ASAP1: variants seen among roughly 807,000 people sequenced by gnomAD.
ASAP1 encodes ArfGAP with SH3 domain, ankyrin repeat and PH domain 1.
Under a neutral mutation model 145.2 loss-of-function variants are expected in ASAP1, and 43 were observed. The ratio of observed to expected loss-of-function variants is 0.30; its 90% CI spans 0.23 to 0.38. The LOEUF (loss-of-function observed/expected upper bound fraction) is 0.38. Ranked by LOEUF, ASAP1 falls within the 10% of genes least tolerant of loss-of-function variation. The pLI, the probability that ASAP1 is intolerant of heterozygous loss-of-function variation, is 1.00. For missense variants in ASAP1, 1,018 were observed against 1,355.3 expected (o/e 0.75, Z 3.91); for synonymous variants, 546 against 515.5 (o/e 1.06, Z -0.80).
intron 27 of ASAP1, among the ~76,000 whole-genome samples, chr8:130,071,546 T>C (rs1222178872): frequency 6.6e-6 from 1 of 152,198 alleles, no homozygotes; most frequent in East Asian, 1.9e-4. Context: ...GTGATTCTAA[T>C]GTCCCTTCAA....
chr8:130,180,322 T>A (rs189437957), intron 8 of ASAP1, among the ~76,000 whole-genome samples: 1 of 152,360 alleles, frequency 6.6e-6, no homozygotes, highest in Admixed American at 6.5e-5. Context: ...TAAGGCAGCA[T>A]GCTTTTTGTT....
intron 18 of ASAP1, among the ~76,000 whole-genome samples, chr8:130,120,518 C>T (rs1018070498): frequency 2.0e-5 from 3 of 152,182 alleles, no homozygotes; most frequent in Admixed American, 6.5e-5. Context: ...CATTTGAAAG[C>T]TTCCTTCCCA....
intron 1 of ASAP1, among the ~76,000 whole-genome samples, chr8:130,407,834 G>A (rs1829102741): frequency 6.6e-6 from 1 of 152,106 alleles, no homozygotes; most frequent in African/African-American, 2.4e-5. Context: ...CACGAATGTT[G>A]GGATTTGTAT....
intron 3 of ASAP1, among the ~76,000 whole-genome samples, chr8:130,336,329 T>C (rs1825032977): frequency 6.6e-6 from 1 of 152,196 alleles, no homozygotes; most frequent in East Asian, 1.9e-4. Flanking sequence ...CCTAGTGTGG[T>C]CAGTGAACCA....
chr8:130,374,598 A>G (rs1008783232), intron 2 of ASAP1, among the ~76,000 whole-genome samples: 3 of 152,264 alleles, frequency 2.0e-5, no homozygotes, highest in East Asian at 1.9e-4. Context: ...ACAAGCTTAC[A>G]TACTTGTCGA....
chr8:130,256,755 A>ATATATATATATATATATATATCCT (rs1819567119), intron 3 of ASAP1, among the ~76,000 whole-genome samples: 11 of 89,772 alleles, frequency 1.2e-4, no homozygotes, highest in African/African-American at 8.0e-5. Flanking sequence ...ATATATATAT[A>ATATATATATATATATATATATCCT]TATATATATA....
intron 15 of ASAP1, among the ~76,000 whole-genome samples, chr8:130,128,464 G>A (rs1045255233): frequency 4.6e-5 from 7 of 152,146 alleles, no homozygotes; most frequent in African/African-American, 1.7e-4. Context: ...CCCATCCAAT[G>A]CAAGGATGAG....
chr8:130,348,998 A>T (rs1487933805), intron 3 of ASAP1, among the ~76,000 whole-genome samples: 1 of 152,234 alleles, frequency 6.6e-6, no homozygotes, highest in African/African-American at 2.4e-5. Flanking sequence ...GTGTAGAAGA[A>T]GGCAGAAAGA....
At chr8:130,074,235 C>T (rs142993377) in intron 27 of ASAP1, among the ~76,000 whole-genome samples, 10 of 151,726 alleles carry the variant, frequency 6.6e-5, no homozygotes, top group African/African-American at 2.4e-4. Flanking sequence ...AATAGAATTG[C>T]GTATGTATGA....
chr8:130,152,843 G>A, intron 12 of ASAP1, 38 bp from the exon 13 acceptor site: 4 of 1,448,510 alleles, frequency 2.8e-6, no homozygotes. Flanking sequence ...TATAGTAACT[G>A]ATTCACTCTG....
At chr8:130,295,808 G>A (rs1255416864) in intron 3 of ASAP1, among the ~76,000 whole-genome samples, 1 of 152,062 alleles carries the variant, frequency 6.6e-6, no homozygotes, top group African/African-American at 2.4e-5. Context: ...CCCTAACTAG[G>A]ATTCATGGAG....
At chr8:130,110,581 T>C (rs2097545107) in intron 24 of ASAP1, among the ~76,000 whole-genome samples, 2 of 152,178 alleles carry the variant, frequency 1.3e-5, no homozygotes, top group African/African-American at 2.4e-5. Context: ...TTTAGTACAA[T>C]GTATGGAATG....
At chr8:130,202,191 T>C (rs1815910802) in intron 5 of ASAP1, among the ~76,000 whole-genome samples, 1 of 152,188 alleles carries the variant, frequency 6.6e-6, no homozygotes, top group South Asian at 2.1e-4. Context: ...GTAACTGTGA[T>C]AGGCAGTTGT....
At chr8:130,172,954 T>C (rs1341848759) in intron 9 of ASAP1, among the ~76,000 whole-genome samples, 2 of 152,216 alleles carry the variant, frequency 1.3e-5, no homozygotes. Context: ...TGTAGCATAA[T>C]CCCATTTTTG....
intron 2 of ASAP1, among the ~76,000 whole-genome samples, chr8:130,397,477 C>A (rs72724496): frequency 6.6e-6 from 1 of 152,134 alleles, no homozygotes; most frequent in African/African-American, 2.4e-5. Flanking sequence ...CCTGTATACA[C>A]GTCTTCATAA....
chr8:130,160,475 A>G (rs2097666841), intron 11 of ASAP1, among the ~76,000 whole-genome samples: 1 of 152,228 alleles, frequency 6.6e-6, no homozygotes, highest in Admixed American at 6.5e-5. Flanking sequence ...TCATTTTGTA[A>G]TTAGTGCTCT....
chr8:130,158,517 T>G (rs1002747174), intron 12 of ASAP1, among the ~76,000 whole-genome samples: 6 of 151,926 alleles, frequency 3.9e-5, no homozygotes, highest in Non-Finnish European at 7.4e-5. Context: ...TCCTGTCCCC[T>G]CCCTCCAAAA....
chr8:130,235,024 C>G (rs1176940360), intron 4 of ASAP1, among the ~76,000 whole-genome samples: 1 of 152,102 alleles, frequency 6.6e-6, no homozygotes, highest in African/African-American at 2.4e-5. Flanking sequence ...CTCCTTTTGT[C>G]CATACAATCC....
At position 130,118,634 on chromosome 8, in the gene ASAP1, T is replaced by C. The variant is rs1338212196; in HGVS notation, c.1649A>G (p.His550Arg). The C allele has an allele frequency of 8.1e-6, 13 of 1,613,862 alleles. No individual in the cohort carries two copies. The highest frequency in any genetic ancestry group is 9.3e-6 in the Non-Finnish European group (11 of 1,179,842). ...KEYITAKYVDHRFSRKTCSTS... is the reference protein window; with the variant it reads ...KEYITAKYVDRRFSRKTCSTS... ...TGAACAGGTCTTCCTTGAAAACCTATGATCTACATACTTTGCAGTGATATA... is the reference window on the plus strand; with the variant it reads ...TGAACAGGTCTTCCTTGAAAACCTACGATCTACATACTTTGCAGTGATATA... Residue 550 changes from histidine to arginine, a missense_variant, in exon 19 of 30, where the codon CAT becomes CGT. Physicochemically the swap from His to Arg is conservative, Grantham distance 29. This residue lies in a region of ASAP1 where 153 missense variants were observed against 221.6 expected (regional missense o/e 0.69). Coordinates refer to ENST00000518721, the MANE Select transcript of ASAP1 (RefSeq NM_018482.4).
Sources: gnomAD v4.1 joint callset for allele counts (sites outside exome capture counted in the v4.1 genomes callset) on GRCh38, gnomAD v4.1.1 for gene constraint, gnomAD v4.1.1 regional missense constraint, MANE v1.5 for transcripts, NCBI Gene and HGNC (gene_info 2026-07-23, HGNC 2026-07-21) for gene names.